The following CSTPP1 variants were observed in gnomAD, a reference collection of about 807,000 sequenced individuals.
CSTPP1 encodes the protein centriolar satellite-associated tubulin polyglutamylase complex regulator 1.
chr11:47,038,106 A>AC, the CSTPP1 span, among the ~76,000 whole-genome samples: 7,830 of 41,182 alleles, frequency 0.19, 1,433 homozygotes, highest in African/African-American at 0.45. Flanking sequence ...CGGGGGGCTG[A>AC]CCCCCCCACC....
At chr11:46,994,088 T>G in the CSTPP1 span, among the ~76,000 whole-genome samples, 2 of 152,216 alleles carry the variant, frequency 1.3e-5, no homozygotes, top group Admixed American at 1.3e-4. Context: ...TGTCTGTTAT[T>G]GGTGTATAGG....
chr11:47,014,334 GAAAC>G, the CSTPP1 span, among the ~76,000 whole-genome samples: 2 of 136,170 alleles, frequency 1.5e-5, no homozygotes, highest in African/African-American at 5.5e-5. Context: ...AAGAGAGAAA[GAAAC>G]AGAAAAGAAA....
chr11:46,967,623 T>C, the CSTPP1 span, among the ~76,000 whole-genome samples: 1 of 152,094 alleles, frequency 6.6e-6, no homozygotes, highest in South Asian at 2.1e-4. Flanking sequence ...AAGAATAATA[T>C]TAGACTCTTA....
chr11:47,109,501 G>A, the CSTPP1 span, among the ~76,000 whole-genome samples: 6 of 152,314 alleles, frequency 3.9e-5, no homozygotes, highest in African/African-American at 1.2e-4. Context: ...CTCCTCATTT[G>A]CGGGTCAGAT....
At chr11:47,010,082 T>TA in the CSTPP1 span, among the ~76,000 whole-genome samples, 1 of 152,216 alleles carries the variant, frequency 6.6e-6, no homozygotes, top group Admixed American at 6.5e-5. Context: ...TGATTATTTA[T>TA]ACGGTCAGGA....
At chr11:46,982,633 G>A in the CSTPP1 span, among the ~76,000 whole-genome samples, 6 of 152,084 alleles carry the variant, frequency 3.9e-5, no homozygotes, top group Non-Finnish European at 2.9e-5. Flanking sequence ...ATAAATTAGG[G>A]CCTGCTGAGT....
chr11:46,947,201 C>G, the CSTPP1 span, among the ~76,000 whole-genome samples: 3 of 152,200 alleles, frequency 2.0e-5, no homozygotes, highest in Non-Finnish European at 4.4e-5. Context: ...TTTGGAGCAT[C>G]TCAATGAGAT....
At chr11:46,962,103 GT>G in the CSTPP1 span, among the ~76,000 whole-genome samples, 1 of 152,166 alleles carries the variant, frequency 6.6e-6, no homozygotes, top group Non-Finnish European at 1.5e-5. Context: ...CAGCATGGAG[GT>G]AATCACCCCC....
the CSTPP1 span, among the ~76,000 whole-genome samples, chr11:46,956,789 T>C: frequency 6.6e-6 from 1 of 152,056 alleles, no homozygotes; most frequent in Non-Finnish European, 1.5e-5. Context: ...TTTAGGTCTC[T>C]TATACTACTC....
At chr11:47,054,032 G>A in the CSTPP1 span, among the ~76,000 whole-genome samples, 35 of 151,218 alleles carry the variant, frequency 2.3e-4, no homozygotes, top group African/African-American at 7.3e-4. Context: ...TGTTGCAGCC[G>A]GGCACGGTGA....
the CSTPP1 span, among the ~76,000 whole-genome samples, chr11:47,118,038 C>A: frequency 6.6e-6 from 1 of 151,906 alleles, no homozygotes; most frequent in Non-Finnish European, 1.5e-5. Context: ...TGCCACCACG[C>A]CCAGCTAATT....
At chr11:46,972,210 A>G in the CSTPP1 span, among the ~76,000 whole-genome samples, 33 of 152,208 alleles carry the variant, frequency 2.2e-4, no homozygotes, top group African/African-American at 7.0e-4. Context: ...TATTTATAGT[A>G]AACATTATAG....
chr11:46,970,346 A>G, the CSTPP1 span, among the ~76,000 whole-genome samples: 1 of 151,676 alleles, frequency 6.6e-6, no homozygotes. Context: ...TGGCACATGT[A>G]TACATATGTA....
chr11:46,985,847 T>G, the CSTPP1 span, among the ~76,000 whole-genome samples: 3 of 152,182 alleles, frequency 2.0e-5, no homozygotes, highest in African/African-American at 4.8e-5. Context: ...GCTTGAAGAA[T>G]AATTTGTTTA....
chr11:46,958,466 T>G, the CSTPP1 span, among the ~76,000 whole-genome samples: 1 of 152,150 alleles, frequency 6.6e-6, no homozygotes, highest in African/African-American at 2.4e-5. Context: ...CAAAGTTATA[T>G]GTGGATATTT....
At chr11:47,148,169 C>T in the CSTPP1 span, among the ~76,000 whole-genome samples, 13 of 152,184 alleles carry the variant, frequency 8.5e-5, no homozygotes, top group Non-Finnish European at 1.5e-4. Flanking sequence ...TTTCCTCCCA[C>T]CTGGAGAAGG....
At chr11:47,039,076 A>G in the CSTPP1 span, among the ~76,000 whole-genome samples, 4 of 123,422 alleles carry the variant, frequency 3.2e-5, no homozygotes, top group Middle Eastern at 4.3e-3. Context: ...CCAGGCAGAG[A>G]CGCTCCTCAC....
At chr11:47,036,267 A>AT in the CSTPP1 span, among the ~76,000 whole-genome samples, 2 of 72,034 alleles carry the variant, frequency 2.8e-5, no homozygotes, top group East Asian at 2.8e-4. Context: ...TATATAATAT[A>AT]TATATTATAT....
chr11:46,950,156 G>A, the CSTPP1 span, among the ~76,000 whole-genome samples: 2 of 151,372 alleles, frequency 1.3e-5, no homozygotes, highest in Non-Finnish European at 2.9e-5. Flanking sequence ...GACACAAAAA[G>A]GGGAAAGACT....
Sources: gnomAD v4.1 joint callset for allele counts (sites outside exome capture counted in the v4.1 genomes callset) on GRCh38, gnomAD v4.1.1 for gene constraint, MANE v1.5 for transcripts, NCBI Gene and HGNC (gene_info 2026-07-23, HGNC 2026-07-21) for gene names.